The following EYS variants were observed in gnomAD, a reference collection of about 807,000 sequenced individuals.
EYS encodes the protein EGF-like photoreceptor maintenance factor.
In EYS, 250 loss-of-function variants were observed where a neutral mutation model predicts 282.1. That is an observed-to-expected ratio of 0.89 (90% CI 0.80 to 0.98). The LOEUF (loss-of-function observed/expected upper bound fraction) is 0.98, where lower values mean the gene tolerates loss of function less well. Among genes scored for constraint, EYS ranks in the 50% least tolerant of loss-of-function variants. The pLI, the probability that EYS is intolerant of heterozygous loss-of-function variation, is 0.00. For synonymous variants in EYS, 1,355 were observed against 1,282.9 expected (o/e 1.06, Z -1.20); for missense variants, 4,016 against 3,709.0 (o/e 1.08, Z -2.15).
intron 2 of EYS, among the ~76,000 whole-genome samples, chr6:65,524,794 C>G (rs748925225): frequency 2.8e-4 from 42 of 152,284 alleles, no homozygotes; most frequent in Non-Finnish European, 4.6e-4. Context: ...AATACAAATC[C>G]ACATCCAAAG....
chr6:64,858,427 G>C (rs761294127), intron 19 of EYS, among the ~76,000 whole-genome samples: 23 of 151,658 alleles, frequency 1.5e-4, no homozygotes, highest in Non-Finnish European at 2.8e-4. Flanking sequence ...CTTTTTTTTG[G>C]GTTTTCTATC....
intron 31 of EYS, among the ~76,000 whole-genome samples, chr6:64,083,065 C>T (rs1441099072): frequency 9.2e-5 from 14 of 151,954 alleles, no homozygotes; most frequent in African/African-American, 1.7e-4. Context: ...TGTGCCAACA[C>T]GCCTGGCTAA....
At chr6:65,080,385 T>A (rs957156208) in intron 12 of EYS, among the ~76,000 whole-genome samples, 2 of 152,166 alleles carry the variant, frequency 1.3e-5, no homozygotes, top group African/African-American at 2.4e-5. Flanking sequence ...GTGACTTTTT[T>A]AAGCCAATGC....
At position 64,807,122 on chromosome 6, in the gene EYS, G is replaced by T. The variant is rs529183827; in HGVS notation, c.3443+6256C>A. On this transcript the variant is annotated intron_variant, in intron 22 of 42. Coordinates refer to ENST00000503581, the MANE Select transcript of EYS (RefSeq NM_001142800.2). ...AGCAGTCATTATTACACTGAACAAA[G>T]TCATTAATGTCTTTAAACTTTGCAT... Among the ~76,000 whole-genome samples, 4 of 152,146 alleles carry T rather than the reference G, an allele frequency of 2.6e-5. No homozygotes were observed. The South Asian group carries it at 8.3e-4, about 32-fold the overall frequency.
intron 28 of EYS, among the ~76,000 whole-genome samples, chr6:64,429,677 T>G (rs1774518106): frequency 6.6e-6 from 1 of 152,156 alleles, no homozygotes; most frequent in Admixed American, 6.6e-5. Flanking sequence ...ATTTCTATTC[T>G]AATTAACTGG....
chr6:65,660,716 G>A (rs147413459), intron 1 of EYS, among the ~76,000 whole-genome samples: 10 of 151,728 alleles, frequency 6.6e-5, no homozygotes, highest in African/African-American at 1.7e-4. Flanking sequence ...CAATGCTTAC[G>A]GAAAATTGAT....
At chr6:65,467,645 T>C (rs1365233333) in intron 5 of EYS, among the ~76,000 whole-genome samples, 2 of 152,118 alleles carry the variant, frequency 1.3e-5, no homozygotes, top group Non-Finnish European at 2.9e-5. Flanking sequence ...AACAGTATAC[T>C]GTCTGTTCTC....
intron 35 of EYS, among the ~76,000 whole-genome samples, chr6:63,966,774 G>T (rs530507695): frequency 2.1e-4 from 32 of 152,248 alleles, no homozygotes; most frequent in African/African-American, 7.5e-4. Flanking sequence ...GAGATAATAC[G>T]TATAGAGTAA....
intron 29 of EYS, among the ~76,000 whole-genome samples, chr6:64,365,185 T>A (rs1240557208): frequency 6.6e-6 from 1 of 151,764 alleles, no homozygotes; most frequent in Non-Finnish European, 1.5e-5. Context: ...GCAATGGCAA[T>A]AGAAGAATGA....
At chr6:64,028,334 T>C (rs1769638194) in intron 33 of EYS, among the ~76,000 whole-genome samples, 1 of 152,190 alleles carries the variant, frequency 6.6e-6, no homozygotes, top group South Asian at 2.1e-4. Context: ...GATTACAGAA[T>C]ATTGTTAAAC....
At chr6:64,935,739 ACCACGGAAAGTAAC>A (rs1175463657) in intron 15 of EYS, among the ~76,000 whole-genome samples, 2 of 151,778 alleles carry the variant, frequency 1.3e-5, no homozygotes, top group Non-Finnish European at 3.0e-5. Context: ...GAAAGGTAAA[ACCACGGAAAGTAAC>A]CCAAAAAAAG....
At chr6:65,361,489 C>T (rs58443782) in intron 8 of EYS, among the ~76,000 whole-genome samples, 99,421 of 147,284 alleles carry the variant, frequency 0.68, 33,556 homozygotes, top group South Asian at 0.71. Context: ...TCGTTCGTTC[C>T]TTTTTTTTTT....
At chr6:65,058,588 T>C (rs1300193911) in intron 12 of EYS, among the ~76,000 whole-genome samples, 1 of 150,976 alleles carries the variant, frequency 6.6e-6, no homozygotes, top group Non-Finnish European at 1.5e-5. Context: ...TTACTTTTTT[T>C]CTAGTAATTT....
intron 12 of EYS, among the ~76,000 whole-genome samples, chr6:65,295,058 G>A (rs1229464476): frequency 6.6e-6 from 1 of 151,702 alleles, no homozygotes; most frequent in East Asian, 1.9e-4. Flanking sequence ...TACCAAGCAG[G>A]GAAAATATTT....
intron 12 of EYS, among the ~76,000 whole-genome samples, chr6:65,117,781 TA>T (rs1775419410): frequency 6.6e-6 from 1 of 152,140 alleles, no homozygotes; most frequent in African/African-American, 2.4e-5. Flanking sequence ...GAATCTGACA[TA>T]AAAAAGAATT....
At chr6:64,996,581 A>G (rs1158154931) in intron 14 of EYS, among the ~76,000 whole-genome samples, 1 of 152,196 alleles carries the variant, frequency 6.6e-6, no homozygotes, top group Admixed American at 6.5e-5. Flanking sequence ...ACATGGACCA[A>G]GACAAAGCAA....
At chr6:64,936,954 A>T (rs1355358059) in intron 15 of EYS, among the ~76,000 whole-genome samples, 2 of 151,530 alleles carry the variant, frequency 1.3e-5, no homozygotes, top group African/African-American at 2.4e-5. Flanking sequence ...AGGGTGTGGT[A>T]TTAGAATAAA....
At chr6:65,650,332 G>A (rs1767609092) in intron 1 of EYS, among the ~76,000 whole-genome samples, 1 of 152,112 alleles carries the variant, frequency 6.6e-6, no homozygotes, top group Non-Finnish European at 1.5e-5. Flanking sequence ...AAGGTTATAA[G>A]GCTATACTCA....
intron 13 of EYS, among the ~76,000 whole-genome samples, chr6:65,055,542 T>C (rs983191006): frequency 2.6e-5 from 4 of 152,066 alleles, no homozygotes; most frequent in African/African-American, 9.7e-5. Flanking sequence ...TGATGTCTTT[T>C]TTTCTGTTCC....
Sources: allele counts gnomAD v4.1 joint callset (sites outside exome capture counted in the v4.1 genomes callset), GRCh38; gene constraint gnomAD v4.1.1; transcripts MANE v1.5; gene names NCBI Gene and HGNC (gene_info 2026-07-23, HGNC 2026-07-21).